Variants in VPS13B observed in about 807,000 individuals in gnomAD.
VPS13B encodes intermembrane lipid transfer protein VPS13B.
In VPS13B, 285 loss-of-function variants were observed where a neutral mutation model predicts 426.4. The ratio of observed to expected loss-of-function variants is 0.67; its 90% CI spans 0.61 to 0.74. VPS13B has a LOEUF of 0.74. Ranked by LOEUF, VPS13B falls within the 30% of genes least tolerant of loss-of-function variation. The pLI is 0.00. For missense variants in VPS13B, 4,537 were observed against 4,782.6 expected (o/e 0.95, Z 1.51); for synonymous variants, 1,676 against 1,676.4 (o/e 1.00, Z 0.01).
At chr8:99,512,423 C>T (rs1203918404) in intron 29 of VPS13B, among the ~76,000 whole-genome samples, 2 of 152,038 alleles carry the variant, frequency 1.3e-5, no homozygotes, top group South Asian at 2.1e-4. Context: ...TATAGGAGCA[C>T]CTAATGAAAT....
At chr8:99,626,053 C>T (rs984766828) in intron 33 of VPS13B, among the ~76,000 whole-genome samples, 2 of 152,246 alleles carry the variant, frequency 1.3e-5, no homozygotes, top group South Asian at 2.1e-4. Context: ...AATGTAAGAA[C>T]TAAAATTATA....
chr8:99,554,322 G>A (rs1824435156), intron 30 of VPS13B, among the ~76,000 whole-genome samples: 1 of 152,040 alleles, frequency 6.6e-6, no homozygotes, highest in Non-Finnish European at 1.5e-5. Context: ...ATAGGTAAAA[G>A]TAATGTTTAT....
At chr8:99,811,301 C>T (rs1813686263) in intron 44 of VPS13B, among the ~76,000 whole-genome samples, 4 of 152,162 alleles carry the variant, frequency 2.6e-5, no homozygotes. Flanking sequence ...ACAACAAGCG[C>T]AAAACTTGTG....
intron 33 of VPS13B, among the ~76,000 whole-genome samples, chr8:99,622,032 A>G (rs528614294): frequency 8.6e-5 from 13 of 151,696 alleles, no homozygotes; most frequent in African/African-American, 2.7e-4. Flanking sequence ...GGGTTTCACC[A>G]TGTTGGTCAG....
At chr8:99,340,277 G>T (rs1407592798) in intron 19 of VPS13B, 2 of 246,424 alleles carry the variant, frequency 8.1e-6, no homozygotes, top group Admixed American at 5.4e-5. Flanking sequence ...CTAGATGGAG[G>T]AGTTGTTGTT....
chr8:99,342,865 A>T (rs1181585942), intron 19 of VPS13B, among the ~76,000 whole-genome samples: 1 of 152,126 alleles, frequency 6.6e-6, no homozygotes, highest in Non-Finnish European at 1.5e-5. Context: ...TCTAGCAACT[A>T]TGTACAAGAT....
At chr8:99,063,204 C>T (rs988632970) in intron 3 of VPS13B, among the ~76,000 whole-genome samples, 2 of 152,210 alleles carry the variant, frequency 1.3e-5, no homozygotes, top group African/African-American at 2.4e-5. Context: ...CCTGGTTCCT[C>T]TCATTGGGAC....
intron 39 of VPS13B, among the ~76,000 whole-genome samples, chr8:99,739,764 G>A (rs948118422): frequency 6.6e-6 from 1 of 152,186 alleles, no homozygotes; most frequent in Admixed American, 6.5e-5. Flanking sequence ...TGAGGGTCCT[G>A]ACTGTTAGAA....
intron 16 of VPS13B, among the ~76,000 whole-genome samples, chr8:99,181,360 T>G (rs1812937792): frequency 6.6e-6 from 1 of 152,174 alleles, no homozygotes; most frequent in South Asian, 2.1e-4. Context: ...ATTGCTAAAC[T>G]GTTTGTGATG....
chr8:99,470,313 T>A (rs998212094), intron 24 of VPS13B, among the ~76,000 whole-genome samples: 8 of 152,146 alleles, frequency 5.3e-5, no homozygotes, highest in Non-Finnish European at 1.0e-4. Context: ...TACCCCCACA[T>A]AAATGCATGT....
At position 99,744,826 on chromosome 8, in the gene VPS13B, G is replaced by T. The variant is rs193269690; in HGVS notation, c.7051-21948G>T. ...CACACACCGGGGCCTGTTGTGGGGTGGGGGGAAGGGGGAGGGATAGCATTA... is the reference window on the plus strand; with the variant it reads ...CACACACCGGGGCCTGTTGTGGGGTTGGGGGAAGGGGGAGGGATAGCATTA... On this transcript the variant is annotated intron_variant, in intron 39 of 61. Coordinates refer to ENST00000357162, the MANE Select transcript of VPS13B (RefSeq NM_152564.5). 7.3e-4 allele frequency among the ~76,000 whole-genome samples: 111 copies of T among 152,018 alleles called. 1 individual carries two copies. The highest frequency in any genetic ancestry group is 1.9e-4 in the Non-Finnish European group (13 of 67,980).
chr8:99,489,672 A>T (rs1588431575), intron 25 of VPS13B, among the ~76,000 whole-genome samples: 2 of 152,210 alleles, frequency 1.3e-5, no homozygotes, highest in East Asian at 3.9e-4. Context: ...GCAATTGTGA[A>T]TGGGAGTTCA....
At chr8:99,682,980 T>G (rs997566639) in intron 35 of VPS13B, among the ~76,000 whole-genome samples, 9 of 152,232 alleles carry the variant, frequency 5.9e-5, no homozygotes, top group African/African-American at 2.2e-4. Flanking sequence ...CTATGTTTTC[T>G]TCTTTGAAGA....
intron 33 of VPS13B, among the ~76,000 whole-genome samples, chr8:99,599,076 A>G (rs1365399619): frequency 6.6e-6 from 1 of 152,084 alleles, no homozygotes; most frequent in Non-Finnish European, 1.5e-5. Context: ...TCTAAAGAAT[A>G]AAGAACTACA....
chr8:99,127,836 G>A (rs942174615), intron 8 of VPS13B, among the ~76,000 whole-genome samples: 4 of 152,068 alleles, frequency 2.6e-5, no homozygotes, highest in African/African-American at 9.7e-5. Flanking sequence ...TAAAATTACT[G>A]TATTTTAAAA....
intron 19 of VPS13B, among the ~76,000 whole-genome samples, chr8:99,367,332 TG>T (rs1812946239): frequency 1.3e-5 from 2 of 152,358 alleles, no homozygotes; most frequent in South Asian, 4.1e-4. Context: ...CACTCTCTCC[TG>T]GTCTGTAGTT....
At chr8:99,672,303 T>A (rs1487216510) in intron 35 of VPS13B, among the ~76,000 whole-genome samples, 1 of 152,162 alleles carries the variant, frequency 6.6e-6, no homozygotes, top group Non-Finnish European at 1.5e-5. Context: ...GATCACCGTT[T>A]TATAGTTTTC....
intron 49 of VPS13B, among the ~76,000 whole-genome samples, chr8:99,820,761 C>T (rs1814313208): frequency 6.6e-6 from 1 of 152,064 alleles, no homozygotes. Flanking sequence ...GTAAAAGTAA[C>T]TCCTAAATAA....
In VPS13B at chr8:99,557,685, G is replaced by A. The variant is rs188519836; in HGVS notation, c.4949+1032G>A. Among the ~76,000 whole-genome samples, 950 of 152,184 alleles carry A rather than the reference G, an allele frequency of 6.2e-3. 8 individuals carry two copies. Among genetic ancestry groups the A allele is most frequent in the African/African-American group, 0.021 (891 of 41,536 alleles). The stretch of plus-strand genomic sequence containing the variant: ...AGTGGTGAGACTGCTGGATTGAATG[G>A]TAGTTCTACTTTTAGTTCTTTAAGA... On this transcript the variant is annotated intron_variant, in intron 31 of 61. Transcript: ENST00000357162.
Sources: allele counts gnomAD v4.1 joint callset (sites outside exome capture counted in the v4.1 genomes callset), GRCh38; gene constraint gnomAD v4.1.1; transcripts MANE v1.5; gene names NCBI Gene and HGNC (gene_info 2026-07-23, HGNC 2026-07-21).